The following IMPG1 variants were observed in gnomAD, a reference collection of about 807,000 sequenced individuals.
IMPG1 encodes interphotoreceptor matrix proteoglycan of 150 kDa.
Under a neutral mutation model 92.0 loss-of-function variants are expected in IMPG1, and 85 were observed. The ratio of observed to expected loss-of-function variants is 0.92; its 90% CI spans 0.78 to 1.11. The LOEUF is 1.11. Among genes scored for constraint, IMPG1 ranks in the 50% least tolerant of loss-of-function variants. The probability of loss-of-function intolerance (pLI) is 0.00; values close to 1 mark genes in which losing one functional copy is unlikely to be tolerated. For synonymous variants in IMPG1, 367 were observed against 334.1 expected (o/e 1.10, Z -1.08); for missense variants, 1,022 against 956.0 (o/e 1.07, Z -0.91).
intron 12 of IMPG1, among the ~76,000 whole-genome samples, chr6:75,965,732 T>C (rs937461795): frequency 4.6e-5 from 7 of 151,122 alleles, no homozygotes; most frequent in Admixed American, 1.3e-4. Context: ...CTCAGCCTCC[T>C]GAGTAGCCGG....
At chr6:76,033,272 A>C (rs1206988575) in intron 4 of IMPG1, among the ~76,000 whole-genome samples, 1 of 152,152 alleles carries the variant, frequency 6.6e-6, no homozygotes, top group Non-Finnish European at 1.5e-5. Context: ...TCTCTCTCTG[A>C]TTTCTTCCTC....
chr6:75,978,102 T>C (rs1181700371), intron 12 of IMPG1, among the ~76,000 whole-genome samples: 2 of 152,036 alleles, frequency 1.3e-5, no homozygotes, highest in Non-Finnish European at 2.9e-5. Context: ...TCCCCAAAGG[T>C]TTTAGTAAAT....
intron 1 of IMPG1, among the ~76,000 whole-genome samples, chr6:76,062,609 G>C (rs1784225387): frequency 6.6e-6 from 1 of 152,098 alleles, no homozygotes; most frequent in Admixed American, 6.6e-5. Context: ...GTTGAATTTA[G>C]CTAAACACCC....
intron 1 of IMPG1, among the ~76,000 whole-genome samples, chr6:76,064,153 C>G (rs1244116502): frequency 6.6e-6 from 1 of 151,988 alleles, no homozygotes; most frequent in Non-Finnish European, 1.5e-5. Flanking sequence ...GACAGCCATT[C>G]TAGGGGTAGA....
chr6:76,045,603 A>G (rs1050393115), intron 1 of IMPG1, among the ~76,000 whole-genome samples: 1 of 151,916 alleles, frequency 6.6e-6, no homozygotes, highest in African/African-American at 2.4e-5. Flanking sequence ...CTCACTAGAG[A>G]TGAGGTGAGA....
intron 2 of IMPG1, 45 bp downstream of exon 2, chr6:76,041,848 G>A (rs201458085): frequency 3.2e-5 from 40 of 1,246,048 alleles, no homozygotes; most frequent in Non-Finnish European, 4.5e-5. Flanking sequence ...GAAAGGGAAG[G>A]GATGGAAATA....
intron 15 of IMPG1, among the ~76,000 whole-genome samples, chr6:75,926,202 A>G (rs1007332081): frequency 6.6e-6 from 1 of 152,210 alleles, no homozygotes; most frequent in Non-Finnish European, 1.5e-5. Flanking sequence ...ACCTCACTGT[A>G]TGTTCCAAGC....
At chr6:75,947,671 T>A in intron 13 of IMPG1, 138 bp from the exon 14 acceptor site, 2 of 647,000 alleles carry the variant, frequency 3.1e-6, no homozygotes, top group Non-Finnish European at 5.3e-6. Context: ...TTTTTGGATT[T>A]AATGTGAGAC....
chr6:76,071,385 TA>T (rs776913185), intron 1 of IMPG1, among the ~76,000 whole-genome samples: 6 of 150,750 alleles, frequency 4.0e-5, no homozygotes, highest in Non-Finnish European at 7.4e-5. Context: ...TATTTCTAAT[TA>T]AAATGATTTT....
intron 2 of IMPG1, among the ~76,000 whole-genome samples, chr6:76,040,351 T>C (rs895626111): frequency 6.6e-6 from 1 of 152,230 alleles, no homozygotes; most frequent in Non-Finnish European, 1.5e-5. Flanking sequence ...TTAGAAGTTA[T>C]GTGAAAATAG....
At chr6:76,064,701 T>C (rs1784277322) in intron 1 of IMPG1, among the ~76,000 whole-genome samples, 1 of 152,170 alleles carries the variant, frequency 6.6e-6, no homozygotes, top group Non-Finnish European at 1.5e-5. Context: ...GTGCATTCCA[T>C]AGATCAGCCC....
At chr6:75,982,956 C>T (rs1034996398) in intron 12 of IMPG1, among the ~76,000 whole-genome samples, 6 of 151,942 alleles carry the variant, frequency 3.9e-5, no homozygotes, top group African/African-American at 1.5e-4. Flanking sequence ...TCAGTCATCC[C>T]TTCATCTAGA....
intron 2 of IMPG1, 49 bp downstream of exon 2, chr6:76,041,844 G>T (rs1783847616): frequency 8.2e-7 from 1 of 1,217,982 alleles, no homozygotes. Context: ...GAATGAAAGG[G>T]AAGGGATGGA....
At chr6:76,021,379 T>C (rs1363345985) in intron 6 of IMPG1, among the ~76,000 whole-genome samples, 1 of 152,188 alleles carries the variant, frequency 6.6e-6, no homozygotes, top group Admixed American at 6.5e-5. Flanking sequence ...CTTGGACACA[T>C]GCTCTCAGTA....
chr6:76,024,771 A>G (rs2149484608), intron 5 of IMPG1: 1 of 290,350 alleles, frequency 3.4e-6, no homozygotes, highest in South Asian at 3.1e-5. Context: ...GATGACATCC[A>G]TATGGATGCA....
Position 76,005,518 on chromosome 6 carries a change from T to C in IMPG1, c.904A>G (p.Met302Val). The change falls in exon 10 of 17, where the codon ATG becomes GTG. Residue 302 changes from methionine to valine, a missense_variant. Transcript: ENST00000369950. ...CTCTTAAAGATGGCCGTAAGTTGCATCTCTGTGGAGCTTGAGCTGTAGATA... is the reference window on the plus strand; with the variant it reads ...CTCTTAAAGATGGCCGTAAGTTGCACCTCTGTGGAGCTTGAGCTGTAGATA... ...KEKDGSSSTE[M>V]QLTAIFKRHS... 1 of 1,613,994 alleles carries C rather than the reference T, an allele frequency of 6.2e-7. No homozygotes were observed. Among genetic ancestry groups the C allele is most frequent in the East Asian group, 2.2e-5 (1 of 44,868 alleles).
Position 75,931,113 on chromosome 6 carries a change from C to T in IMPG1, c.2083G>A (p.Glu695Lys), listed in dbSNP as rs1275683192. The T allele has an allele frequency of 1.2e-5, 19 of 1,613,990 alleles. No individual in the cohort carries two copies. The highest frequency in any genetic ancestry group is 6.7e-5 in the East Asian group (3 of 44,874). Reference protein sequence around the residue: ...ADPCKFLACGEFAQCVKNERT... With the variant: ...ADPCKFLACGKFAQCVKNERT... ...TCGTTCTTTACACATTGGGCAAATT[C>T]GCCGCAGGCCAGGAACTTGCAGGGA... The change falls in exon 15 of 17, where the codon GAA becomes AAA. Residue 695 changes from glutamate (E) to lysine (K), a missense_variant. By Grantham distance (56) the Glu-to-Lys change is moderately conservative (BLOSUM62 1). Transcript: ENST00000369950.
chr6:75,939,908 C>G (rs1046545524), intron 14 of IMPG1, among the ~76,000 whole-genome samples: 5 of 152,330 alleles, frequency 3.3e-5, no homozygotes, highest in Admixed American at 3.3e-4. Context: ...TCATTCTAGC[C>G]TCACTGAAGT....
rs146934691 is a variant in IMPG1, at chr6:75,965,828, C to A, written c.1292-14734G>T. 0.011 allele frequency among the ~76,000 whole-genome samples: 1,664 copies of A among 152,132 alleles called. 118 individuals are homozygous for A. In the East Asian group the frequency reaches 0.2, roughly 18 times the overall value. ...TTCACCGTGTTAGCCAGGATGGTCT[C>A]GATCTCCTGACCTTGTGATCTGCCC... is the stretch of plus-strand genomic sequence containing the variant. On this transcript the variant is annotated intron_variant, in intron 12 of 16. Transcript: ENST00000369950.
Sources: allele counts gnomAD v4.1 joint callset (sites outside exome capture counted in the v4.1 genomes callset), GRCh38; gene constraint gnomAD v4.1.1; transcripts MANE v1.5; gene names NCBI Gene and HGNC (gene_info 2026-07-23, HGNC 2026-07-21).